RBFOX1: variants seen among roughly 807,000 people sequenced by gnomAD.
The protein encoded by RBFOX1 is RNA binding protein fox-1 homolog 1.
RBFOX1 carries 8 observed loss-of-function variants against 57.7 expected under a neutral mutation model. The ratio of observed to expected loss-of-function variants is 0.14; its 90% CI spans 0.08 to 0.25. RBFOX1 has a LOEUF of 0.25. RBFOX1 is among the 10% of genes least tolerant of loss of function. The pLI, the probability that RBFOX1 is intolerant of heterozygous loss-of-function variation, is 1.00. For missense variants in RBFOX1, 611 were observed against 548.5 expected, an observed-to-expected ratio of 1.11 and a Z score of -1.14; for synonymous variants, 326 against 222.4, an observed-to-expected ratio of 1.47 and a Z score of -4.15.
intron 3 of RBFOX1, among the ~76,000 whole-genome samples, chr16:6,864,530 C>A (rs1294749922): frequency 6.7e-6 from 1 of 150,318 alleles, no homozygotes; most frequent in African/African-American, 2.5e-5. Context: ...TTTAAACCCC[C>A]CTATTCTCTC....
chr16:5,780,090 C>T (rs1487745281), intron 3 of RBFOX1, among the ~76,000 whole-genome samples: 1 of 152,202 alleles, frequency 6.6e-6, no homozygotes, highest in Non-Finnish European at 1.5e-5. Flanking sequence ...TGAACCTCCA[C>T]CTCCCAGGTT....
Position 7,595,557 on chromosome 16 carries a change from T to C in RBFOX1, c.477T>C (p.Gly159=). 1 of 1,548,786 alleles carries C rather than the reference T, an allele frequency of 6.5e-7. No homozygotes were observed. Among genetic ancestry groups the C allele is most frequent in the Non-Finnish European group, 8.7e-7 (1 of 1,142,988 alleles). The change falls in exon 8 of 16, where the codon GGT becomes GGC. Residue 159 remains glycine, a synonymous_variant. Coordinates refer to ENST00000550418, the MANE Select transcript of RBFOX1 (RefSeq NM_018723.4). ...IFNERGSKGF[G]FVTFENSADA... is the part of the protein sequence containing the mutation. Reference sequence around the variant, plus strand: ...CTCCCTCCTGCATGCAGGGATTTGGTTTCGTAACTTTCGAAAATAGTGCCG... The same window carrying C: ...CTCCCTCCTGCATGCAGGGATTTGGCTTCGTAACTTTCGAAAATAGTGCCG...
chr16:6,506,624 A>AT (rs71145238), intron 2 of RBFOX1, among the ~76,000 whole-genome samples: 6 of 98,458 alleles, frequency 6.1e-5, no homozygotes, highest in East Asian at 7.1e-4. Flanking sequence ...ACAGTAGCTA[A>AT]TTTTTTTTTT....
At chr16:7,160,494 C>T (rs952326765) in intron 4 of RBFOX1, among the ~76,000 whole-genome samples, 1 of 151,490 alleles carries the variant, frequency 6.6e-6, no homozygotes, top group Non-Finnish European at 1.5e-5. Context: ...ACATTTTATA[C>T]ATATAGATAA....
intron 1 of RBFOX1, among the ~76,000 whole-genome samples, chr16:6,294,421 A>G (rs566833080): frequency 6.6e-6 from 1 of 152,356 alleles, no homozygotes; most frequent in Non-Finnish European, 1.5e-5. Flanking sequence ...AATTGTTTTA[A>G]GCAGTGAGTG....
Position 7,596,646 on chromosome 16 carries a change from A to AT in RBFOX1, c.562-718dup, listed in dbSNP as rs572575532. ...TCGTATTAAGTTTTCTTGATGCTCT[A>AT]TTTTTTTGGATATTGGTACGCCTGT... On this transcript the variant is annotated intron_variant, in intron 8 of 15. Coordinates refer to ENST00000550418, the MANE Select transcript of RBFOX1 (RefSeq NM_018723.4). Among the ~76,000 whole-genome samples, 39 of 152,058 alleles carry AT rather than the reference A, an allele frequency of 2.6e-4. 1 individual carries two copies. The South Asian group carries it at 7.9e-3, about 31-fold the overall frequency.
intron 1 of RBFOX1, among the ~76,000 whole-genome samples, chr16:6,187,172 C>T (rs1037465558): frequency 6.6e-6 from 1 of 151,970 alleles, no homozygotes; most frequent in Non-Finnish European, 1.5e-5. Flanking sequence ...CATACAAAGC[C>T]CTGATGCTTT....
At chr16:6,618,189 C>G (rs572827215) in intron 2 of RBFOX1, among the ~76,000 whole-genome samples, 2 of 152,246 alleles carry the variant, frequency 1.3e-5, no homozygotes, top group African/African-American at 2.4e-5. Context: ...TCCAGTTCAC[C>G]TCCCAGCACC....
chr16:6,327,002 T>C (rs1388926827), intron 2 of RBFOX1, among the ~76,000 whole-genome samples: 1 of 152,204 alleles, frequency 6.6e-6, no homozygotes, highest in African/African-American at 2.4e-5. Context: ...TTCTTTGTGC[T>C]CGTTTTAAAC....
At chr16:7,174,673 G>T (rs531783568) in intron 4 of RBFOX1, among the ~76,000 whole-genome samples, 2 of 152,142 alleles carry the variant, frequency 1.3e-5, no homozygotes, top group Admixed American at 6.5e-5. Flanking sequence ...CCAGCTACTC[G>T]GGAGTCTGAG....
intron 4 of RBFOX1, among the ~76,000 whole-genome samples, chr16:7,072,055 A>T (rs142037361): frequency 7.2e-5 from 11 of 152,324 alleles, no homozygotes; most frequent in African/African-American, 2.4e-4. Flanking sequence ...GATTATTTCA[A>T]TAGCATTCCA....
At chr16:7,293,385 C>A (rs1015035902) in intron 4 of RBFOX1, among the ~76,000 whole-genome samples, 2 of 152,104 alleles carry the variant, frequency 1.3e-5, no homozygotes, top group Non-Finnish European at 2.9e-5. Flanking sequence ...AACCAATCAC[C>A]CATGGATAGT....
At chr16:5,968,947 G>C (rs1339954966) in intron 4 of RBFOX1, among the ~76,000 whole-genome samples, 1 of 151,968 alleles carries the variant, frequency 6.6e-6, no homozygotes, top group African/African-American at 2.4e-5. Context: ...TTGCTGAGAG[G>C]ACTATTTATA....
At chr16:6,142,443 G>T (rs184360722) in intron 1 of RBFOX1, among the ~76,000 whole-genome samples, 1 of 151,936 alleles carries the variant, frequency 6.6e-6, no homozygotes, top group African/African-American at 2.4e-5. Flanking sequence ...GGATGGTCTC[G>T]ATCTCCTGAC....
chr16:6,598,744 G>A (rs57261013), intron 2 of RBFOX1, among the ~76,000 whole-genome samples: 3,336 of 152,150 alleles, frequency 0.022, 121 homozygotes, highest in African/African-American at 0.075. Flanking sequence ...TTGGGAGTTC[G>A]AGACCAGCCG....
intron 1 of RBFOX1, among the ~76,000 whole-genome samples, chr16:5,402,106 C>G (rs897585437): frequency 6.6e-6 from 1 of 151,886 alleles, no homozygotes; most frequent in African/African-American, 2.4e-5. Context: ...GGGCATTTAC[C>G]AGTCCCAGGC....
At chr16:7,348,726 G>T (rs2097067934) in intron 4 of RBFOX1, among the ~76,000 whole-genome samples, 1 of 152,186 alleles carries the variant, frequency 6.6e-6, no homozygotes, top group South Asian at 2.1e-4. Context: ...CAGATCACCT[G>T]AGGTCAGGAG....
chr16:6,859,199 A>ATATATACG (rs2058572795), intron 3 of RBFOX1, among the ~76,000 whole-genome samples: 12 of 107,788 alleles, frequency 1.1e-4, no homozygotes, highest in Admixed American at 2.7e-4. Flanking sequence ...ATATATATGT[A>ATATATACG]TATATATATA....
chr16:5,967,195 C>T (rs1358704012), intron 4 of RBFOX1, among the ~76,000 whole-genome samples: 2 of 152,162 alleles, frequency 1.3e-5, no homozygotes. Flanking sequence ...TTTACAAAAA[C>T]ATTTGCCAGT....
Sources: allele counts gnomAD v4.1 joint callset (sites outside exome capture counted in the v4.1 genomes callset), GRCh38; gene constraint gnomAD v4.1.1; transcripts MANE v1.5; gene names NCBI Gene and HGNC (gene_info 2026-07-23, HGNC 2026-07-21).